The following TSC22D1 variants were observed in gnomAD, a reference collection of about 807,000 sequenced individuals.
TSC22D1 encodes the protein TSC22 domain family member 1, also known as TSC22 domain family protein 1.
In TSC22D1, 9 loss-of-function variants were observed where a neutral mutation model predicts 74.2. That is an observed-to-expected ratio of 0.12 (90% confidence interval 0.07 to 0.21). TSC22D1 has a LOEUF of 0.21. Ranked by LOEUF, TSC22D1 falls within the 10% of genes least tolerant of loss-of-function variation. The probability of loss-of-function intolerance (pLI) is 1.00; values close to 1 mark genes in which losing one functional copy is unlikely to be tolerated. For missense variants in TSC22D1, 1,427 were observed against 1,304.7 expected (o/e 1.09, Z -1.44); for synonymous variants, 586 against 492.5 (o/e 1.19, Z -2.51).
chr13:44,571,827 A>C (rs1300720267), intron 1 of TSC22D1, among the ~76,000 whole-genome samples: 1 of 152,200 alleles, frequency 6.6e-6, no homozygotes, highest in Non-Finnish European at 1.5e-5. Context: ...CCTGACTATT[A>C]GAAAAATAAT....
chr13:44,440,771 CCCA>C (rs1386952454), intron 1 of TSC22D1, among the ~76,000 whole-genome samples: 1 of 151,982 alleles, frequency 6.6e-6, no homozygotes, highest in Non-Finnish European at 1.5e-5. Context: ...TGACCAAATG[CCCA>C]CCACAAGAAA....
At chr13:44,565,827 C>T (rs558492842) in intron 1 of TSC22D1, among the ~76,000 whole-genome samples, 6 of 152,042 alleles carry the variant, frequency 3.9e-5, no homozygotes, top group East Asian at 1.9e-4. Context: ...CAAAGTGATG[C>T]GATTACAGGT....
intron 1 of TSC22D1, among the ~76,000 whole-genome samples, chr13:44,447,604 G>A (rs1875786037): frequency 1.3e-5 from 2 of 151,864 alleles, no homozygotes; most frequent in Non-Finnish European, 1.5e-5. Context: ...AATGCTAATA[G>A]ATTTAAATAT....
At chr13:44,521,287 G>A (rs899031648) in intron 1 of TSC22D1, among the ~76,000 whole-genome samples, 1 of 152,036 alleles carries the variant, frequency 6.6e-6, no homozygotes, top group Admixed American at 6.6e-5. Flanking sequence ...CCATTGTGAT[G>A]ATGTCAAACA....
chr13:44,566,554 T>C (rs745449032), intron 1 of TSC22D1, among the ~76,000 whole-genome samples: 14 of 152,220 alleles, frequency 9.2e-5, no homozygotes, highest in Non-Finnish European at 1.8e-4. Flanking sequence ...CTTGGAGCTA[T>C]GACTTAATTA....
chr13:44,490,877 AC>A (rs1878671587), intron 1 of TSC22D1, among the ~76,000 whole-genome samples: 1 of 151,476 alleles, frequency 6.6e-6, no homozygotes, highest in Admixed American at 6.6e-5. Flanking sequence ...AGCCTGGGCA[AC>A]AAGGCTGGAG....
chr13:44,572,313 G>A lies in TSC22D1; in HGVS notation c.2912+850C>T, dbSNP rs183215189. Among the ~76,000 whole-genome samples, 1,469 of 152,188 alleles carry A rather than the reference G, an allele frequency of 9.7e-3. 18 individuals carry two copies. The highest frequency in any genetic ancestry group is 0.011 in the Non-Finnish European group (731 of 67,998). Reference sequence around the variant, plus strand: ...TTATTTCCAATCTACGTGAAAAAACGCTTGGTTTAATAATGTACTTTAGGC... The same window carrying A: ...TTATTTCCAATCTACGTGAAAAAACACTTGGTTTAATAATGTACTTTAGGC... On this transcript the variant is annotated intron_variant, in intron 1 of 2. Transcript: ENST00000458659.
At chr13:44,509,310 G>T (rs1879579105) in intron 1 of TSC22D1, among the ~76,000 whole-genome samples, 1 of 152,208 alleles carries the variant, frequency 6.6e-6, no homozygotes, top group South Asian at 2.1e-4. Flanking sequence ...GCACAACAAT[G>T]TGAATATACT....
At position 44,561,252 on chromosome 13, in the gene TSC22D1, T is replaced by C. The variant is rs538805549; in HGVS notation, c.2912+11911A>G. Reference sequence around the variant, plus strand: ...TGATTCAAACCATTATCTCAGACAATGACAGAGAATATGCCTCCATTTCTA... The same window carrying C: ...TGATTCAAACCATTATCTCAGACAACGACAGAGAATATGCCTCCATTTCTA... On this transcript the variant is annotated intron_variant, in intron 1 of 2. Transcript: ENST00000458659. Among the ~76,000 whole-genome samples the C allele has an allele frequency of 1.1e-4, 16 of 152,170 alleles. No individual in the cohort carries two copies. The South Asian group carries it at 3.3e-3, about 32-fold the overall frequency.
rs571521376 is a variant in TSC22D1, at chr13:44,497,566, G to GAAC, written c.2913-61474_2913-61472dup. Among the ~76,000 whole-genome samples, 1,094 of 152,136 alleles carry GAAC rather than the reference G, an allele frequency of 7.2e-3. 14 individuals carry two copies. Among genetic ancestry groups the GAAC allele is most frequent in the African/African-American group, 0.022 (894 of 41,488 alleles). On this transcript the variant is annotated intron_variant, in intron 1 of 2. Transcript: ENST00000458659. The stretch of plus-strand genomic sequence containing the variant: ...TCACCTCAATTTAAAAAGGAAACAA[G>GAAC]AACAACAACAACAACAAAACACCTG...
At chr13:44,549,176 T>C (rs1184356261) in intron 1 of TSC22D1, among the ~76,000 whole-genome samples, 1 of 152,168 alleles carries the variant, frequency 6.6e-6, no homozygotes, top group Non-Finnish European at 1.5e-5. Context: ...TATAATAAGA[T>C]GAAAAGGTCA....
At chr13:44,532,575 GCC>G (rs1880907793) in intron 1 of TSC22D1, among the ~76,000 whole-genome samples, 1 of 152,098 alleles carries the variant, frequency 6.6e-6, no homozygotes, top group African/African-American at 2.4e-5. Flanking sequence ...CCAGGTCCTC[GCC>G]ATTCTCCTGC....
rs1295538795 is a variant in TSC22D1, at chr13:44,575,723, G to A, written c.352C>T (p.Pro118Ser). 2 of 1,614,070 alleles carry A rather than the reference G, an allele frequency of 1.2e-6. No individual in the cohort carries two copies. The highest frequency in any genetic ancestry group is 1.7e-5 in the Admixed American group (1 of 59,998). Residue 118 changes from proline (P) to serine (S), a missense_variant, in exon 1 of 3, where the codon CCT becomes TCT. Pro to Ser is a moderately conservative substitution (Grantham distance 74, BLOSUM62 -1). Around this residue, in one of 3 missense-constraint regions of TSC22D1, gnomAD observed 1,343 missense variants for 1,191.5 expected, o/e 1.13. Transcript: ENST00000458659. ...CTGATACTAGCGGAGATCTGAGCAG[G>A]AGTAACGCTAGTTATCTGGAAGCCA... ...KSGFQITSVT[P>S]AQISASISSN... is the part of the protein sequence containing the mutation.
chr13:44,573,502 G>T lies in TSC22D1; in HGVS notation c.2573C>A (p.Ala858Glu). Residue 858 changes from alanine to glutamate, a missense_variant, in exon 1 of 3, where the codon GCA (alanine) becomes GAA (glutamate). This residue lies in a region of TSC22D1 where 1,343 missense variants were observed against 1,191.5 expected (regional missense o/e 1.13). Transcript: ENST00000458659. Reference protein sequence around the residue: ...PTNLVPPQNIAQTPATQNGNL... With the variant: ...PTNLVPPQNIEQTPATQNGNL... Reference sequence around the variant, plus strand: ...ACCATTTTGGGTAGCAGGGGTTTGTGCTATATTTTGTGGTGGAACCAAGTT... The same window carrying T: ...ACCATTTTGGGTAGCAGGGGTTTGTTCTATATTTTGTGGTGGAACCAAGTT... 1 of 1,614,246 alleles carries T rather than the reference G, an allele frequency of 6.2e-7. No homozygotes were observed. The highest frequency in any genetic ancestry group is 8.5e-7 in the Non-Finnish European group (1 of 1,180,044).
chr13:44,573,079 G>A (rs2184716), intron 1 of TSC22D1, 84 bp downstream of exon 1: 1 of 1,493,110 alleles, frequency 6.7e-7, no homozygotes, highest in Non-Finnish European at 8.9e-7. Flanking sequence ...CAATGTTTTA[G>A]AGTCATTTTG....
intron 1 of TSC22D1, among the ~76,000 whole-genome samples, chr13:44,559,246 A>G (rs987355920): frequency 6.6e-6 from 1 of 152,210 alleles, no homozygotes; most frequent in African/African-American, 2.4e-5. Flanking sequence ...AGCAGTGGAC[A>G]GTCTATAGCC....
chr13:44,509,950 C>CAAAAAAAAAAAAAAAAAAAAAAAGAAA, intron 1 of TSC22D1, among the ~76,000 whole-genome samples: 1 of 51,424 alleles, frequency 1.9e-5, no homozygotes, highest in African/African-American at 7.5e-5. Context: ...AGAAAATAAG[C>CAAAAAAAAAAAAAAAAAAAAAAAGAAA]AAAAAAAAAA....
chr13:44,460,387 A>G (rs1204619388), intron 1 of TSC22D1, among the ~76,000 whole-genome samples: 3 of 152,350 alleles, frequency 2.0e-5, no homozygotes, highest in African/African-American at 2.4e-5. Context: ...TTTCCATGAC[A>G]CAGAATAATT....
intron 1 of TSC22D1, among the ~76,000 whole-genome samples, chr13:44,473,091 T>C (rs1216452323): frequency 2.6e-5 from 4 of 152,184 alleles, no homozygotes; most frequent in Non-Finnish European, 5.9e-5. Context: ...GCAGACCCAA[T>C]GTACATCTTT....
Sources: gnomAD v4.1 joint callset for allele counts (sites outside exome capture counted in the v4.1 genomes callset) on GRCh38, gnomAD v4.1.1 for gene constraint, gnomAD v4.1.1 regional missense constraint, MANE v1.5 for transcripts, NCBI Gene and HGNC (gene_info 2026-07-23, HGNC 2026-07-21) for gene names.